The following XYLB variants were observed in gnomAD, a reference collection of about 807,000 sequenced individuals.
The protein encoded by XYLB is xylulose kinase.
Under a neutral mutation model 78.7 loss-of-function variants are expected in XYLB, and 62 were observed. The ratio of observed to expected loss-of-function variants is 0.79; its 90% CI spans 0.64 to 0.97. The LOEUF is 0.97. Ranked by LOEUF, XYLB falls within the 50% of genes least tolerant of loss-of-function variation. The probability of loss-of-function intolerance (pLI) is 0.00; values close to 1 mark genes in which losing one functional copy is unlikely to be tolerated. For missense variants in XYLB, 687 were observed against 676.8 expected (o/e 1.02, Z -0.17); for synonymous variants, 245 against 247.4 (o/e 0.99, Z 0.09).
the XYLB span, among the ~76,000 whole-genome samples, chr3:38,430,921 T>C: frequency 2.0e-5 from 3 of 152,248 alleles, no homozygotes; most frequent in Non-Finnish European, 4.4e-5. Flanking sequence ...TATATATCTG[T>C]TTTGGTACCA....
intron 17 of XYLB, 64 bp downstream of exon 17, chr3:38,397,223 G>T: frequency 1.4e-6 from 2 of 1,470,342 alleles, no homozygotes; most frequent in Non-Finnish European, 1.9e-6. Flanking sequence ...GGCTGAGGAG[G>T]GTGGAAAGGG....
At chr3:38,407,365 A>C (rs1242352103) in intron 18 of XYLB, among the ~76,000 whole-genome samples, 1 of 152,084 alleles carries the variant, frequency 6.6e-6, no homozygotes. Context: ...GCCTGCCCTA[A>C]AAGAGCTCCT....
intron 2 of XYLB, among the ~76,000 whole-genome samples, chr3:38,352,202 T>TC (rs1705403571): frequency 6.6e-6 from 1 of 152,208 alleles, no homozygotes; most frequent in Admixed American, 6.5e-5. Context: ...TCTTTTTTTT[T>TC]CTTTTTTTCT....
the XYLB span, among the ~76,000 whole-genome samples, chr3:38,432,773 G>A: frequency 2.0e-5 from 3 of 152,328 alleles, no homozygotes; most frequent in African/African-American, 4.8e-5. Context: ...CAAGAGGTGG[G>A]CCCCCATGGC....
At chr3:38,435,674 G>C in the XYLB span, among the ~76,000 whole-genome samples, 7 of 152,070 alleles carry the variant, frequency 4.6e-5, no homozygotes, top group Non-Finnish European at 7.4e-5. Context: ...ACATTCTCCA[G>C]GATAGACCAT....
At chr3:38,397,813 TTTTTC>T (rs1440485389) in intron 17 of XYLB, among the ~76,000 whole-genome samples, 1 of 143,842 alleles carries the variant, frequency 7.0e-6, no homozygotes, top group East Asian at 2.0e-4. Context: ...TCAGCTTATA[TTTTTC>T]TTTTCTTTTT....
chr3:38,424,511 C>G (rs1297113855), downstream of XYLB, among the ~76,000 whole-genome samples: 3 of 152,144 alleles, frequency 2.0e-5, no homozygotes, highest in Non-Finnish European at 4.4e-5. Flanking sequence ...TGGATTCTCC[C>G]TAGAATAACT....
chr3:38,403,313 A>G (rs1479401064), intron 18 of XYLB, among the ~76,000 whole-genome samples: 2 of 151,588 alleles, frequency 1.3e-5, no homozygotes, highest in Non-Finnish European at 2.9e-5. Context: ...AAAAGTTACT[A>G]ATATGATATT....
chr3:38,450,502 AT>A, the XYLB span, among the ~76,000 whole-genome samples: 41 of 152,320 alleles, frequency 2.7e-4, no homozygotes, highest in African/African-American at 9.6e-4. Flanking sequence ...AACACACTGA[AT>A]GCCTTAATGG....
At chr3:38,409,323 A>T (rs1476348191) in intron 18 of XYLB, among the ~76,000 whole-genome samples, 4 of 152,362 alleles carry the variant, frequency 2.6e-5, no homozygotes, top group Non-Finnish European at 1.5e-5. Context: ...AAGGCCTTTG[A>T]CAAAATTCAA....
At chr3:38,376,454 G>C (rs112091940) in intron 13 of XYLB, among the ~76,000 whole-genome samples, 2,738 of 152,270 alleles carry the variant, frequency 0.018, 77 homozygotes, top group African/African-American at 0.06. Flanking sequence ...TCTGCTCTGA[G>C]CAGAACATCA....
intron 14 of XYLB, 33 bp downstream of exon 14, chr3:38,377,024 G>C (rs376357237): frequency 4.3e-5 from 68 of 1,572,832 alleles, no homozygotes; most frequent in Middle Eastern, 3.3e-4. Context: ...AGTTACATTG[G>C]CTCCATTTGT....
chr3:38,447,204 A>G, the XYLB span, among the ~76,000 whole-genome samples: 2,706 of 115,704 alleles, frequency 0.023, 80 homozygotes, highest in African/African-American at 0.068. Flanking sequence ...AGAAATACAA[A>G]TCAAAGCCAC....
chr3:38,355,415 G>T (rs9866290), intron 2 of XYLB, among the ~76,000 whole-genome samples: 131,247 of 152,252 alleles, frequency 0.86, 57,471 homozygotes, highest in East Asian at 1. Context: ...TAATGGTTTT[G>T]AGCCACTAAG....
At position 38,395,372 on chromosome 3, in the gene XYLB, C is replaced by T. The variant is rs151169960; in HGVS notation, c.1292-133C>T. The T allele has an allele frequency of 1.3e-3, 1,041 of 782,378 alleles. 5 individuals are homozygous for T. The highest frequency in any genetic ancestry group is 1.0e-3 in the Non-Finnish European group (470 of 457,680). 48.5% of individuals were successfully genotyped at this position (782,378 alleles called of 1,614,324 possible). A position where few individuals can be genotyped will look rare whatever the true frequency, so the allele number is the denominator to read the frequency against. On this transcript the variant is annotated intron_variant, in intron 15 of 18. Coordinates refer to ENST00000207870, the MANE Select transcript of XYLB (RefSeq NM_005108.4). ...CACAGAGCCAGCTTTGGATCTCTCC[C>T]GTAGTCCTGTGTGATAAGTGGGAGG...
chr3:38,346,994 T>C (rs928052857), intron 1 of XYLB, 69 bp downstream of exon 1: 28 of 1,324,754 alleles, frequency 2.1e-5, no homozygotes, highest in Non-Finnish European at 2.7e-5. Flanking sequence ...GGGCGGGCTG[T>C]CACCCGGACG....
At chr3:38,357,208 T>A (rs1448242001) in intron 2 of XYLB, 1 of 152,242 alleles carries the variant, frequency 6.6e-6, no homozygotes, top group Non-Finnish European at 1.5e-5. Flanking sequence ...TAATACAATG[T>A]ATACGTTTTT....
the XYLB span, among the ~76,000 whole-genome samples, chr3:38,426,355 C>G: frequency 6.6e-6 from 1 of 152,290 alleles, no homozygotes; most frequent in African/African-American, 2.4e-5. Context: ...CATTACTCCT[C>G]ATCTGTATAA....
At chr3:38,375,040 G>A (rs1706773509) in intron 11 of XYLB, 104 bp from the exon 12 acceptor site, 1 of 884,642 alleles carries the variant, frequency 1.1e-6, no homozygotes, top group Non-Finnish European at 1.8e-6. Flanking sequence ...TGCAGCATGA[G>A]TGAAGTGACA....
Sources: gnomAD v4.1 joint callset for allele counts (sites outside exome capture counted in the v4.1 genomes callset) on GRCh38, gnomAD v4.1.1 for gene constraint, MANE v1.5 for transcripts, NCBI Gene and HGNC (gene_info 2026-07-23, HGNC 2026-07-21) for gene names.